The following KMT2C variants were observed in gnomAD, a reference collection of about 807,000 sequenced individuals.
KMT2C encodes lysine methyltransferase 2C.
A neutral mutation model predicts 507.9 loss-of-function variants in KMT2C; 88 were observed. That is an observed-to-expected ratio of 0.17 (90% CI 0.15 to 0.21). The LOEUF is 0.21. Ranked by LOEUF, KMT2C falls within the 10% of genes least tolerant of loss-of-function variation. KMT2C has a pLI of 1.00. For missense variants in KMT2C, 4,954 were observed against 5,957.8 expected, an observed-to-expected ratio of 0.83 and a Z score of 5.55; for synonymous variants, 2,049 against 2,080.8, an observed-to-expected ratio of 0.98 and a Z score of 0.42.
chr7:152,420,704 G>A lies in KMT2C; in HGVS notation c.161+14922C>T, dbSNP rs189137836. On this transcript the variant is annotated intron_variant, in intron 1 of 58. Coordinates refer to ENST00000262189, the MANE Select transcript of KMT2C (RefSeq NM_170606.3). Reference sequence around the variant, plus strand: ...ACAAAAATTAGCTGGGTGCGGTGGTGCACGCCTGTAGTCCCAGCTACTCGG... The same window carrying A: ...ACAAAAATTAGCTGGGTGCGGTGGTACACGCCTGTAGTCCCAGCTACTCGG... Among the ~76,000 whole-genome samples, 16 of 151,940 alleles carry A rather than the reference G, an allele frequency of 1.1e-4. No homozygotes were observed. The East Asian group carries it at 3.1e-3, about 29-fold the overall frequency.
chr7:152,410,306 G>T (rs1212582120), intron 1 of KMT2C, among the ~76,000 whole-genome samples: 1 of 152,276 alleles, frequency 6.6e-6, no homozygotes, highest in East Asian at 1.9e-4. Flanking sequence ...CAGCTACTCG[G>T]GAGGCTGAGG....
chr7:152,379,425 C>T (rs2097352991), intron 1 of KMT2C, among the ~76,000 whole-genome samples: 2 of 152,256 alleles, frequency 1.3e-5, no homozygotes, highest in African/African-American at 4.8e-5. Context: ...GTAATCCCAG[C>T]TACTCAGGAG....
intron 3 of KMT2C, among the ~76,000 whole-genome samples, chr7:152,320,866 G>C (rs1451091747): frequency 1.3e-5 from 2 of 151,996 alleles, no homozygotes; most frequent in Non-Finnish European, 2.9e-5. Flanking sequence ...TACATAGCAA[G>C]TGACCAACAT....
At chr7:152,368,008 T>C in intron 1 of KMT2C, 1 of 851,304 alleles carries the variant, frequency 1.2e-6, no homozygotes, top group Non-Finnish European at 2.0e-6. Flanking sequence ...GAACATAAAA[T>C]TAAGATATAT....
intron 49 of KMT2C, among the ~76,000 whole-genome samples, chr7:152,152,377 G>A (rs1053307320): frequency 3.9e-5 from 6 of 152,196 alleles, no homozygotes; most frequent in Non-Finnish European, 8.8e-5. Context: ...GTACCAGGTG[G>A]CCCAGGTGCA....
intron 1 of KMT2C, among the ~76,000 whole-genome samples, chr7:152,377,461 A>G (rs1384609287): frequency 1.3e-5 from 2 of 152,248 alleles, no homozygotes; most frequent in Non-Finnish European, 2.9e-5. Flanking sequence ...TCGGCCAGGT[A>G]CGGTGGCTCA....
rs549129429 is a variant in KMT2C at position 152,221,518 on chromosome 7, G to C, written c.3499+483C>G. Among the ~76,000 whole-genome samples the C allele has an allele frequency of 3.3e-5, 5 of 152,282 alleles. No homozygotes were observed. The East Asian group carries it at 9.6e-4, about 29-fold the overall frequency. On this transcript the variant is annotated intron_variant, in intron 22 of 58. Transcript: ENST00000262189. The stretch of plus-strand genomic sequence containing the variant: ...TTAATTTTAAATGTACAAAACTGTT[G>C]TTCCTTAGAACAATTCCTGTACTAT...
At chr7:152,398,307 G>A (rs1412408746) in intron 1 of KMT2C, among the ~76,000 whole-genome samples, 1 of 152,082 alleles carries the variant, frequency 6.6e-6, no homozygotes, top group Non-Finnish European at 1.5e-5. Flanking sequence ...CATATCTTTG[G>A]ATAAATTTTG....
chr7:152,251,886 GGC>G, intron 11 of KMT2C, 51 bp downstream of exon 11: 1 of 1,355,532 alleles, frequency 7.4e-7, no homozygotes, highest in Admixed American at 2.1e-5. Flanking sequence ...GTGATACAAT[GGC>G]ACAACATTAC....
chr7:152,307,278 A>AAAGAAAGG (rs1554631917), intron 6 of KMT2C, among the ~76,000 whole-genome samples: 6 of 107,388 alleles, frequency 5.6e-5, no homozygotes, highest in Non-Finnish European at 1.1e-4. Flanking sequence ...AGGAAGAAAG[A>AAAGAAAGG]AAGGAAGGAA....
At chr7:152,308,673 C>CAA (rs938826373) in intron 6 of KMT2C, among the ~76,000 whole-genome samples, 796 of 24,540 alleles carry the variant, frequency 0.032, 112 homozygotes, top group African/African-American at 0.087. Flanking sequence ...AAACTCCTCT[C>CAA]AAAAAAAAAA....
chr7:152,311,724 G>C (rs2129200274), intron 5 of KMT2C, 74 bp downstream of exon 5: 3 of 1,042,196 alleles, frequency 2.9e-6, no homozygotes, highest in Non-Finnish European at 2.8e-6. Flanking sequence ...TTATTATTGA[G>C]GACATTAATA....
intron 25 of KMT2C, among the ~76,000 whole-genome samples, chr7:152,204,554 G>C (rs1031235896): frequency 6.6e-6 from 1 of 151,810 alleles, no homozygotes; most frequent in African/African-American, 2.4e-5. Flanking sequence ...CCATGATTGT[G>C]CCACTGCATG....
intron 7 of KMT2C, among the ~76,000 whole-genome samples, chr7:152,271,605 C>T (rs550771587): frequency 5.8e-5 from 8 of 137,854 alleles, no homozygotes; most frequent in African/African-American, 2.2e-4. Context: ...ACCTGGAAGG[C>T]GGAGTTTGCA....
chr7:152,214,512 T>TGCA, intron 23 of KMT2C, among the ~76,000 whole-genome samples: 1 of 152,182 alleles, frequency 6.6e-6, no homozygotes, highest in East Asian at 1.9e-4. Context: ...TTTGGCATAA[T>TGCA]GCAAAATGAA....
chr7:152,180,337 A>G (rs2093390823), intron 36 of KMT2C, among the ~76,000 whole-genome samples: 1 of 152,166 alleles, frequency 6.6e-6, no homozygotes, highest in African/African-American at 2.4e-5. Context: ...TGGCTTTTTA[A>G]ATCCTGATAC....
chr7:152,337,755 C>T (rs1337549775), intron 2 of KMT2C, among the ~76,000 whole-genome samples: 1 of 151,798 alleles, frequency 6.6e-6, no homozygotes, highest in Non-Finnish European at 1.5e-5. Context: ...CTTAGCTCAA[C>T]GTCTTAAGTG....
At chr7:152,377,710 G>A (rs1791531013) in intron 1 of KMT2C, among the ~76,000 whole-genome samples, 1 of 148,586 alleles carries the variant, frequency 6.7e-6, no homozygotes, top group African/African-American at 2.6e-5. Context: ...ACTCCAGCCA[G>A]GGCGACAAAG....
At chr7:152,375,838 T>G (rs1021579905) in intron 1 of KMT2C, among the ~76,000 whole-genome samples, 1 of 152,150 alleles carries the variant, frequency 6.6e-6, no homozygotes, top group Non-Finnish European at 1.5e-5. Context: ...TATTTTTTCC[T>G]TTGGTTGAGA....
Sources: gnomAD v4.1 joint callset for allele counts (sites outside exome capture counted in the v4.1 genomes callset) on GRCh38, gnomAD v4.1.1 for gene constraint, MANE v1.5 for transcripts, NCBI Gene and HGNC (gene_info 2026-07-23, HGNC 2026-07-21) for gene names.